The following SLC2A5 variants were observed in gnomAD, a reference collection of about 807,000 sequenced individuals.
SLC2A5 encodes the protein solute carrier family 2, facilitated glucose transporter member 5.
SLC2A5 carries 56 observed loss-of-function variants against 50.3 expected under a neutral mutation model. The observed-to-expected ratio is 1.11, with a 90% CI of 0.90 to 1.39. The LOEUF is 1.39. SLC2A5 is among the 40% of genes most tolerant of loss of function. The pLI, the probability that SLC2A5 is intolerant of heterozygous loss-of-function variation, is 0.00. For synonymous variants in SLC2A5, 269 were observed against 281.9 expected, an observed-to-expected ratio of 0.95 and a Z score of 0.46; for missense variants, 566 against 650.1, an observed-to-expected ratio of 0.87 and a Z score of 1.41.
chr1:9,043,945 C>T (rs1482268416), intron 4 of SLC2A5, among the ~76,000 whole-genome samples: 1 of 148,884 alleles, frequency 6.7e-6, no homozygotes, highest in African/African-American at 2.5e-5. Context: ...TGGTCCTGAA[C>T]TCCCGACCTC....
At chr1:9,042,009 C>A in intron 4 of SLC2A5, 72 bp from the exon 5 acceptor site, 2 of 1,459,898 alleles carry the variant, frequency 1.4e-6, no homozygotes, top group Non-Finnish European at 1.8e-6. Context: ...TTCAAGTATA[C>A]TATTCTTAGC....
At position 9,052,725 on chromosome 1, in the gene SLC2A5, C is replaced by T. The variant is rs140275575; in HGVS notation, c.293+4723G>A. 8.7e-3 allele frequency among the ~76,000 whole-genome samples: 1,321 copies of T among 152,100 alleles called. 12 individuals carry two copies. The highest frequency in any genetic ancestry group is 0.013 in the Non-Finnish European group (855 of 67,994). ...GCCTAAAACTGCTCTTTAATAAAGT[C>T]TATTTTTAATGGCAGGACATGGTGG... On this transcript the variant is annotated intron_variant, in intron 3 of 11. Coordinates refer to ENST00000377424, the MANE Select transcript of SLC2A5 (RefSeq NM_003039.3).
chr1:9,071,104 G>A (rs1642202582), upstream of SLC2A5, among the ~76,000 whole-genome samples: 1 of 152,094 alleles, frequency 6.6e-6, no homozygotes, highest in Admixed American at 6.6e-5. Context: ...GTACAGGTGT[G>A]CAATCCAACA....
chr1:9,089,256 C>T (rs1642437775), upstream of SLC2A5, among the ~76,000 whole-genome samples: 1 of 152,160 alleles, frequency 6.6e-6, no homozygotes, highest in African/African-American at 2.4e-5. Context: ...GCCCATAAGG[C>T]AGCTAATTAT....
upstream of SLC2A5, among the ~76,000 whole-genome samples, chr1:9,073,764 GAGTT>G (rs771248680): frequency 5.3e-5 from 8 of 152,220 alleles, no homozygotes; most frequent in Non-Finnish European, 1.0e-4. Context: ...TCTGTACTGT[GAGTT>G]AGTTAGTTCA....
chr1:9,038,699 G>T, intron 9 of SLC2A5, 129 bp downstream of exon 9: 1 of 1,389,864 alleles, frequency 7.2e-7, no homozygotes, highest in Non-Finnish European at 9.7e-7. Context: ...CAGATGTCTG[G>T]CCAGTTGTAT....
intron 1 of SLC2A5, among the ~76,000 whole-genome samples, chr1:9,064,377 AC>A (rs1460772719): frequency 3.3e-5 from 5 of 151,556 alleles, no homozygotes; most frequent in Non-Finnish European, 7.4e-5. Context: ...AGCCCCAGTG[AC>A]CCCCAGCCGT....
chr1:9,067,121 C>A (rs1015558131), intron 1 of SLC2A5, among the ~76,000 whole-genome samples: 1 of 152,164 alleles, frequency 6.6e-6, no homozygotes, highest in Non-Finnish European at 1.5e-5. Context: ...GCCTCTGTAG[C>A]CTTCGCCTGC....
intron 2 of SLC2A5, among the ~76,000 whole-genome samples, chr1:9,081,281 CCCAA>C (rs1557685794): frequency 0.016 from 1,358 of 85,690 alleles, 35 homozygotes; most frequent in African/African-American, 0.076. Context: ...AAAAAAAAAC[CCCAA>C]AAAAAAAAAA....
chr1:9,069,360 T>A (rs551103150), intron 1 of SLC2A5, 144 bp downstream of exon 1: 7 of 810,484 alleles, frequency 8.6e-6, no homozygotes, highest in East Asian at 7.4e-5. Context: ...TGGACAAGAC[T>A]TTCCCCCTCT....
chr1:9,039,573 G>A lies in SLC2A5; in HGVS notation c.975C>T (p.Asn325=), dbSNP rs1641236599. ...QYVTAGTGAV[N]VVMTFCAVFV... ...TCACGGCGCAGAAGGTCATGACCAC[G>A]TTCACGGCCCCGGTGCCGGCCGTCA... The change falls in exon 8 of 12, where the codon AAC becomes AAT. Residue 325 remains asparagine, a synonymous_variant. Coordinates refer to ENST00000377424, the MANE Select transcript of SLC2A5 (RefSeq NM_003039.3). 1 of 1,575,186 alleles carries A rather than the reference G, an allele frequency of 6.3e-7. No individual in the cohort carries two copies. The highest frequency in any genetic ancestry group is 1.2e-5 in the South Asian group (1 of 85,904).
chr1:9,070,376 C>T (rs375096862), upstream of SLC2A5, among the ~76,000 whole-genome samples: 3 of 152,106 alleles, frequency 2.0e-5, no homozygotes, highest in South Asian at 6.2e-4. Flanking sequence ...CCATCGTGTC[C>T]GGCCTCTTAT....
At chr1:9,038,615 C>G (rs565572058) in intron 9 of SLC2A5, 109 bp from the exon 10 acceptor site, 43 of 1,241,236 alleles carry the variant, frequency 3.5e-5, no homozygotes, top group South Asian at 2.5e-4. Flanking sequence ...GCTCCTCCCC[C>G]AGCAGTGCCA....
At chr1:9,065,133 C>T (rs1046029739) in intron 1 of SLC2A5, among the ~76,000 whole-genome samples, 6 of 151,950 alleles carry the variant, frequency 3.9e-5, no homozygotes, top group African/African-American at 1.5e-4. Flanking sequence ...CTAACAAACA[C>T]CGTTTGTAAT....
chr1:9,058,252 T>C lies in SLC2A5; in HGVS notation c.34-2A>G. 1 of 1,612,386 alleles carries C rather than the reference T, an allele frequency of 6.2e-7. No individual in the cohort carries two copies. The highest frequency in any genetic ancestry group is 8.5e-7 in the Non-Finnish European group (1 of 1,178,450). ...CAGGGCAAGCACAAGCGTCAGCCTC[T>C]GCAGAGATCACAGCTTAGGTCAGGA... is the stretch of plus-strand genomic sequence containing the variant. On this transcript the variant is annotated splice_acceptor_variant, in intron 1 of 11. Coordinates refer to ENST00000377424, the MANE Select transcript of SLC2A5 (RefSeq NM_003039.3). LOFTEE classifies it high-confidence loss of function.
chr1:9,069,726 A>G (rs1642173536), upstream of SLC2A5: 2 of 636,966 alleles, frequency 3.1e-6, no homozygotes, highest in Admixed American at 2.7e-5. Flanking sequence ...CTGCTTTTAA[A>G]TGAAACGTCT....
intron 3 of SLC2A5, among the ~76,000 whole-genome samples, chr1:9,052,270 C>G (rs561783252): frequency 6.6e-6 from 1 of 151,748 alleles, no homozygotes; most frequent in South Asian, 2.1e-4. Context: ...GGTGACAGAG[C>G]GAGACTCCGT....
At chr1:9,083,257 C>A (rs981932954) in intron 2 of SLC2A5, among the ~76,000 whole-genome samples, 15 of 152,172 alleles carry the variant, frequency 9.9e-5, no homozygotes, top group Admixed American at 5.9e-4. Context: ...TGAAGCAATG[C>A]AATTTTCCAC....
At chr1:9,050,117 CA>C (rs377598557) in intron 3 of SLC2A5, among the ~76,000 whole-genome samples, 121 of 149,072 alleles carry the variant, frequency 8.1e-4, no homozygotes, top group Admixed American at 2.2e-3. Flanking sequence ...ACTAAAAATA[CA>C]AAAAAAAAAT....
Sources: allele counts gnomAD v4.1 joint callset (sites outside exome capture counted in the v4.1 genomes callset), GRCh38; gene constraint gnomAD v4.1.1; transcripts MANE v1.5; gene names NCBI Gene and HGNC (gene_info 2026-07-23, HGNC 2026-07-21).